Variants in HMCN1 observed in about 807,000 individuals in gnomAD.
The protein encoded by HMCN1 is hemicentin 1.
Under a neutral mutation model 625.9 loss-of-function variants are expected in HMCN1, and 321 were observed. That is an observed-to-expected ratio of 0.51 (90% CI 0.47 to 0.56). The LOEUF is 0.56. HMCN1 is among the 20% of genes least tolerant of loss of function. HMCN1 has a pLI of 0.00. For synonymous variants in HMCN1, 2,425 were observed against 2,417.6 expected (o/e 1.00, Z -0.09); for missense variants, 6,588 against 6,887.3 (o/e 0.96, Z 1.54).
chr1:185,769,387 C>T (rs1318231736), intron 1 of HMCN1, among the ~76,000 whole-genome samples: 1 of 152,092 alleles, frequency 6.6e-6, no homozygotes, highest in African/African-American at 2.4e-5. Context: ...GGTCAAGGTG[C>T]AGTGAGCCAT....
chr1:185,957,042 C>T (rs1396346809), intron 11 of HMCN1: 4 of 152,160 alleles, frequency 2.6e-5, no homozygotes, highest in Non-Finnish European at 5.9e-5. Context: ...GTAACAATAA[C>T]ACTGTAGGGA....
At chr1:185,889,352 T>G (rs1436825463) in intron 4 of HMCN1, among the ~76,000 whole-genome samples, 1 of 146,510 alleles carries the variant, frequency 6.8e-6, no homozygotes, top group African/African-American at 2.7e-5. Context: ...CTATGTTGAA[T>G]AGGAGTGGTG....
chr1:185,928,501 T>G, intron 9 of HMCN1, 45 bp from the exon 10 acceptor site: 2 of 1,539,174 alleles, frequency 1.3e-6, no homozygotes, highest in Non-Finnish European at 1.8e-6. Flanking sequence ...TTCAACTTGG[T>G]CTTATTTTAT....
intron 2 of HMCN1, among the ~76,000 whole-genome samples, chr1:185,853,663 G>A (rs1662296728): frequency 6.6e-6 from 1 of 152,084 alleles, no homozygotes; most frequent in African/African-American, 2.4e-5. Context: ...CCTTTTTTAG[G>A]TATCCATTTA....
At chr1:185,789,700 C>T (rs1657864028) in intron 1 of HMCN1, among the ~76,000 whole-genome samples, 1 of 152,184 alleles carries the variant, frequency 6.6e-6, no homozygotes, top group South Asian at 2.1e-4. Context: ...ATTGTGGTTG[C>T]TGTGATTACA....
At chr1:186,170,163 A>C (rs1391943506) in intron 100 of HMCN1, among the ~76,000 whole-genome samples, 1 of 152,204 alleles carries the variant, frequency 6.6e-6, no homozygotes, top group Non-Finnish European at 1.5e-5. Flanking sequence ...AAAAGTCAGG[A>C]AACAACAAGA....
At chr1:185,887,135 G>C (rs1390156373) in intron 4 of HMCN1, among the ~76,000 whole-genome samples, 1 of 151,892 alleles carries the variant, frequency 6.6e-6, no homozygotes, top group African/African-American at 2.4e-5. Context: ...AATCCTGCAA[G>C]TGTCCACCTG....
Position 186,103,609 on chromosome 1 carries a change from C to CAGA in HMCN1, c.10712_10714dup (p.Gln3571_Thr3572insLys). 1.2e-6 allele frequency: 2 copies of CAGA among 1,613,914 alleles called. No homozygotes were observed. The highest frequency in any genetic ancestry group is 1.7e-6 in the Non-Finnish European group (2 of 1,179,848). On this transcript the variant is annotated inframe_insertion, in exon 69 of 107. Coordinates refer to ENST00000271588, the MANE Select transcript of HMCN1 (RefSeq NM_031935.3). ...GATGAAAGATGGCCGGCCCCTTCCA[C>CAGA]AGACGGATCAAGTGCAAACTCTAGG...
At chr1:185,893,015 C>G (rs985705596) in intron 4 of HMCN1, among the ~76,000 whole-genome samples, 2 of 152,148 alleles carry the variant, frequency 1.3e-5, no homozygotes, top group African/African-American at 4.8e-5. Flanking sequence ...TCTCGTGGTG[C>G]GCCGTTTTTT....
In HMCN1 at chr1:186,144,346, A is replaced by G; in HGVS notation, c.14095+3A>G. 2 of 1,613,092 alleles carry G rather than the reference A, an allele frequency of 1.2e-6. No homozygotes were observed. The highest frequency in any genetic ancestry group is 2.7e-5 in the African/African-American group (2 of 75,008). Reference sequence around the variant, plus strand: ...TTGCAATGAAAGAAATTGTCCAAGTAAGAGAAATACACTGTTTATACCTTA... The same window carrying G: ...TTGCAATGAAAGAAATTGTCCAAGTGAGAGAAATACACTGTTTATACCTTA... On this transcript the variant is annotated splice_donor_region_variant and intron_variant, in intron 90 of 106. Coordinates refer to ENST00000271588, the MANE Select transcript of HMCN1 (RefSeq NM_031935.3).
Position 186,151,250 on chromosome 1 carries a change from G to T in HMCN1, c.14659G>T (p.Glu4887Ter). The part of the protein sequence containing the change: ...GSVIGNINDV[E>*]FGIAFLNATI... ...TGTTATTGGAAATATTAATGATGTT[G>T]AATTTGGAATTGCTTTCCTTAATGC... The change falls in exon 94 of 107, where the codon GAA (glutamate) becomes TAA (stop). Residue 4887 changes from glutamate to a stop codon, truncating the protein, a stop_gained. Transcript: ENST00000271588. LOFTEE classifies it high-confidence loss of function. 6.2e-7 allele frequency: 1 copy of T among 1,613,676 alleles called. No homozygotes were observed. Among genetic ancestry groups the T allele is most frequent in the Non-Finnish European group, 8.5e-7 (1 of 1,179,698 alleles).
chr1:185,819,930 G>C (rs1055128233), intron 1 of HMCN1, among the ~76,000 whole-genome samples: 2 of 152,094 alleles, frequency 1.3e-5, no homozygotes, highest in African/African-American at 2.4e-5. Context: ...AACATGACCT[G>C]TTAAAGGCAT....
chr1:186,105,592 CT>C (rs1483184542), intron 69 of HMCN1, among the ~76,000 whole-genome samples: 1 of 152,216 alleles, frequency 6.6e-6, no homozygotes, highest in Admixed American at 6.5e-5. Context: ...CTGTACCCTC[CT>C]TTTCTTTGTG....
At chr1:185,753,230 C>T (rs76686966) in intron 1 of HMCN1, among the ~76,000 whole-genome samples, 4,060 of 152,012 alleles carry the variant, frequency 0.027, 129 homozygotes, top group African/African-American at 0.075. Flanking sequence ...TCATATTTGA[C>T]GGTTAAACTA....
In HMCN1 at chr1:185,930,427, G is replaced by GT. The variant is rs555874088; in HGVS notation, c.1552+1761dup. Among the ~76,000 whole-genome samples the GT allele has an allele frequency of 2.4e-3, 358 of 152,220 alleles. 2 individuals carry two copies. Among genetic ancestry groups the GT allele is most frequent in the Non-Finnish European group, 3.9e-3 (265 of 68,010 alleles). On this transcript the variant is annotated intron_variant, in intron 10 of 106. Transcript: ENST00000271588. ...GAGGTCCCAGCTCAGCCACCCCACT[G>GT]TAACTACTTATCAGCACACTGGAAT...
intron 16 of HMCN1, among the ~76,000 whole-genome samples, chr1:185,979,994 C>T (rs1651502197): frequency 6.6e-6 from 1 of 152,136 alleles, no homozygotes; most frequent in African/African-American, 2.4e-5. Context: ...TATCCCCACG[C>T]AACCTATAAC....
chr1:186,128,948 T>A (rs960144111), intron 83 of HMCN1, among the ~76,000 whole-genome samples: 1 of 126,798 alleles, frequency 7.9e-6, no homozygotes, highest in Non-Finnish European at 1.6e-5. Context: ...AAAGTAGTAA[T>A]AAGCTTGAGA....
At chr1:186,108,081 G>A (rs1571361628) in intron 70 of HMCN1, among the ~76,000 whole-genome samples, 1 of 142,996 alleles carries the variant, frequency 7.0e-6, no homozygotes, top group African/African-American at 2.6e-5. Context: ...AATACAGTCT[G>A]TATATTATGA....
chr1:185,767,053 G>C (rs1655924937), intron 1 of HMCN1, among the ~76,000 whole-genome samples: 1 of 151,518 alleles, frequency 6.6e-6, no homozygotes, highest in African/African-American at 2.4e-5. Flanking sequence ...GATAACAAAG[G>C]CTTAATGTGT....
Sources: gnomAD v4.1 joint callset for allele counts (sites outside exome capture counted in the v4.1 genomes callset) on GRCh38, gnomAD v4.1.1 for gene constraint, MANE v1.5 for transcripts, NCBI Gene and HGNC (gene_info 2026-07-23, HGNC 2026-07-21) for gene names.